The following CAMK1D variants were observed in gnomAD, a reference collection of about 807,000 sequenced individuals.
The protein encoded by CAMK1D is calcium/calmodulin-dependent protein kinase type 1D.
A neutral mutation model predicts 47.7 loss-of-function variants in CAMK1D; 9 were observed. The observed-to-expected ratio is 0.19, with a 90% CI of 0.11 to 0.33. The LOEUF is 0.33. Ranked by LOEUF, CAMK1D falls within the 10% of genes least tolerant of loss-of-function variation. CAMK1D has a pLI of 1.00. For synonymous variants in CAMK1D, 184 were observed against 184.9 expected (o/e 0.99, Z 0.04); for missense variants, 291 against 488.7 (o/e 0.60, Z 3.81).
intron 3 of CAMK1D, among the ~76,000 whole-genome samples, chr10:12,671,619 A>G (rs1246520508): frequency 6.6e-6 from 1 of 151,686 alleles, no homozygotes; most frequent in Non-Finnish European, 1.5e-5. Context: ...ATATATATAT[A>G]TGGAGATATA....
chr10:12,643,776 C>T (rs553586646), intron 2 of CAMK1D, among the ~76,000 whole-genome samples: 5 of 151,842 alleles, frequency 3.3e-5, no homozygotes, highest in African/African-American at 1.2e-4. Context: ...CCCAGCTACT[C>T]AGGTGGCTGA....
At chr10:12,678,492 G>C (rs1439489070) in intron 3 of CAMK1D, among the ~76,000 whole-genome samples, 1 of 152,198 alleles carries the variant, frequency 6.6e-6, no homozygotes, top group Non-Finnish European at 1.5e-5. Flanking sequence ...GCATATATCT[G>C]TTAGGTCCAG....
At chr10:12,648,143 A>G (rs964713505) in intron 2 of CAMK1D, among the ~76,000 whole-genome samples, 11 of 152,236 alleles carry the variant, frequency 7.2e-5, no homozygotes, top group African/African-American at 2.4e-4. Context: ...GCTATTTTTT[A>G]TAGACCTTAA....
chr10:12,790,903 G>A (rs963325885), intron 5 of CAMK1D, among the ~76,000 whole-genome samples: 1 of 152,080 alleles, frequency 6.6e-6, no homozygotes, highest in African/African-American at 2.4e-5. Context: ...GGCTGAGGTG[G>A]GAGGTTTGCT....
At chr10:12,510,469 C>T (rs1835007769) in intron 1 of CAMK1D, among the ~76,000 whole-genome samples, 1 of 152,010 alleles carries the variant, frequency 6.6e-6, no homozygotes, top group Non-Finnish European at 1.5e-5. Context: ...AAGCCAGTTC[C>T]GAAGTTGTCT....
chr10:12,563,652 A>T (rs1386607660), intron 2 of CAMK1D, among the ~76,000 whole-genome samples: 1 of 145,734 alleles, frequency 6.9e-6, no homozygotes, highest in Admixed American at 6.9e-5. Flanking sequence ...ATTCCAGAAG[A>T]GGCGGAAGGT....
At chr10:12,523,359 C>T (rs928788091) in intron 1 of CAMK1D, among the ~76,000 whole-genome samples, 1 of 152,176 alleles carries the variant, frequency 6.6e-6, no homozygotes, top group African/African-American at 2.4e-5. Context: ...CGGGCAGAGG[C>T]TGCAATCTCG....
intron 1 of CAMK1D, among the ~76,000 whole-genome samples, chr10:12,358,226 A>G (rs1341799781): frequency 6.6e-6 from 1 of 152,116 alleles, no homozygotes; most frequent in Non-Finnish European, 1.5e-5. Context: ...CCGTGTCCCC[A>G]TAGAGAAAGA....
At chr10:12,777,869 G>A (rs1335003187) in intron 5 of CAMK1D, among the ~76,000 whole-genome samples, 1 of 152,210 alleles carries the variant, frequency 6.6e-6, no homozygotes, top group South Asian at 2.1e-4. Flanking sequence ...CAAAGAAACT[G>A]CTGGAAAGTT....
intron 5 of CAMK1D, among the ~76,000 whole-genome samples, chr10:12,780,198 C>T (rs1837432391): frequency 6.6e-6 from 1 of 151,994 alleles, no homozygotes; most frequent in South Asian, 2.1e-4. Context: ...TTATGATGAG[C>T]TCTTGGAAAC....
chr10:12,727,062 G>A (rs529218168), intron 3 of CAMK1D, among the ~76,000 whole-genome samples: 80 of 152,358 alleles, frequency 5.3e-4, no homozygotes, highest in African/African-American at 1.8e-3. Context: ...CCCAGGGCCT[G>A]TGTAGCATGC....
At chr10:12,571,468 A>AAG (rs1564419819) in intron 2 of CAMK1D, among the ~76,000 whole-genome samples, 3 of 150,812 alleles carry the variant, frequency 2.0e-5, no homozygotes, top group African/African-American at 7.3e-5. Flanking sequence ...AAAAAAAAAA[A>AAG]AAAGAAAAAA....
intron 2 of CAMK1D, among the ~76,000 whole-genome samples, chr10:12,583,809 C>T (rs937824005): frequency 1.3e-5 from 2 of 152,044 alleles, no homozygotes; most frequent in Non-Finnish European, 2.9e-5. Context: ...CCACGTTGGC[C>T]AGGATGGTCT....
chr10:12,418,727 C>CCTTTTAAAAAGGTTTAAAACCATTTAATA (rs1241747026), intron 1 of CAMK1D, among the ~76,000 whole-genome samples: 40 of 152,264 alleles, frequency 2.6e-4, no homozygotes, highest in African/African-American at 9.6e-4. Flanking sequence ...CAAAATGAAA[C>CCTTTTAAAAAGGTTTAAAACCATTTAATA]CTTTTAAAAA....
chr10:12,671,052 CAT>C (rs549560057), intron 3 of CAMK1D, among the ~76,000 whole-genome samples: 392 of 152,308 alleles, frequency 2.6e-3, no homozygotes, highest in Admixed American at 4.3e-3. Context: ...AATTATACAA[CAT>C]GTGATCTTTC....
chr10:12,813,252 A>C (rs1379579396), intron 6 of CAMK1D, among the ~76,000 whole-genome samples: 1 of 152,234 alleles, frequency 6.6e-6, no homozygotes, highest in Non-Finnish European at 1.5e-5. Context: ...GTTAATGGGC[A>C]AAACCACAAC....
chr10:12,630,387 T>A lies in CAMK1D; in HGVS notation c.225-36349T>A, dbSNP rs75284138. Among the ~76,000 whole-genome samples the A allele has an allele frequency of 4.5e-3, 615 of 135,182 alleles. 4 individuals are homozygous for A. The highest frequency in any genetic ancestry group is 0.015 in the African/African-American group (566 of 37,274). 88.7% of individuals were successfully genotyped at this position (135,182 alleles called of 152,430 possible). On this transcript the variant is annotated intron_variant, in intron 2 of 10. Coordinates refer to ENST00000619168, the MANE Select transcript of CAMK1D (RefSeq NM_153498.4). Reference sequence around the variant, plus strand: ...TCTTTTTCTTTCTTTTTTTTTTTTTTTAAAAAAAAGACAGGATCTCACTCA... The same window carrying A: ...TCTTTTTCTTTCTTTTTTTTTTTTTATAAAAAAAAGACAGGATCTCACTCA...
intron 7 of CAMK1D, among the ~76,000 whole-genome samples, chr10:12,815,120 A>G (rs531301795): frequency 6.6e-6 from 1 of 152,306 alleles, no homozygotes; most frequent in East Asian, 1.9e-4. Flanking sequence ...AAATAACTTG[A>G]CCAAAATCAT....
chr10:12,616,480 A>T (rs975296623), intron 2 of CAMK1D, among the ~76,000 whole-genome samples: 2 of 150,240 alleles, frequency 1.3e-5, no homozygotes, highest in African/African-American at 2.4e-5. Flanking sequence ...AAGGACAGAG[A>T]GGTCAAGTAT....
Sources: allele counts gnomAD v4.1 joint callset (sites outside exome capture counted in the v4.1 genomes callset), GRCh38; gene constraint gnomAD v4.1.1; transcripts MANE v1.5; gene names NCBI Gene and HGNC (gene_info 2026-07-23, HGNC 2026-07-21).